ZFHX3: variants seen among roughly 807,000 people sequenced by gnomAD.
ZFHX3 encodes zinc finger homeobox 3.
Under a neutral mutation model 279.1 loss-of-function variants are expected in ZFHX3, and 42 were observed. The ratio of observed to expected loss-of-function variants is 0.15; its 90% CI spans 0.12 to 0.19. The LOEUF is 0.19. Ranked by LOEUF, ZFHX3 falls within the 10% of genes least tolerant of loss-of-function variation. ZFHX3 has a pLI of 1.00. For synonymous variants in ZFHX3, 2,293 were observed against 1,957.8 expected (o/e 1.17, Z -4.52); for missense variants, 4,981 against 4,754.0 (o/e 1.05, Z -1.40).
In ZFHX3 at chr16:73,434,663, G is replaced by A. The variant is rs545321392; in HGVS notation, c.-1291+21340C>T. ...CAGAAAACAACAATGTGTTTTTGGA[G>A]GTGATCAGATAACATCATTGAGGTT... is the stretch of plus-strand genomic sequence containing the variant. On this transcript the variant is annotated intron_variant, in intron 3 of 17. Transcript: ENST00000641206. Among the ~76,000 whole-genome samples the A allele has an allele frequency of 1.2e-4, 19 of 152,228 alleles. No individual in the cohort carries two copies. In the South Asian group the frequency reaches 3.9e-3, roughly 32 times the overall value.
chr16:73,850,718 G>A (rs1349396612), intron 1 of ZFHX3, among the ~76,000 whole-genome samples: 1 of 137,584 alleles, frequency 7.3e-6, no homozygotes, highest in Admixed American at 7.3e-5. Flanking sequence ...TGGACACCCA[G>A]GGCCGTGGCT....
At chr16:72,989,844 G>C (rs546665993) in intron 1 of ZFHX3, among the ~76,000 whole-genome samples, 1 of 152,314 alleles carries the variant, frequency 6.6e-6, no homozygotes, top group South Asian at 2.1e-4. Flanking sequence ...GTTATATGTG[G>C]GGAAGTGGTG....
At chr16:73,672,839 G>T (rs1486943705) in intron 2 of ZFHX3, among the ~76,000 whole-genome samples, 2 of 152,044 alleles carry the variant, frequency 1.3e-5, no homozygotes, top group East Asian at 3.9e-4. Flanking sequence ...CATGAAAACT[G>T]GGAGAACTAT....
chr16:73,352,366 A>C (rs1321228348), intron 3 of ZFHX3, among the ~76,000 whole-genome samples: 3 of 151,108 alleles, frequency 2.0e-5, no homozygotes, highest in Non-Finnish European at 4.4e-5. Context: ...CCTGGACTGC[A>C]TTTCTTCATC....
chr16:73,435,785 A>G (rs1342503406), intron 3 of ZFHX3, among the ~76,000 whole-genome samples: 3 of 152,162 alleles, frequency 2.0e-5, no homozygotes, highest in African/African-American at 7.2e-5. Context: ...ACAGGTACTC[A>G]CCAATGAGTC....
chr16:73,067,749 T>A (rs1965773199), intron 8 of ZFHX3, among the ~76,000 whole-genome samples: 1 of 152,116 alleles, frequency 6.6e-6, no homozygotes, highest in Non-Finnish European at 1.5e-5. Context: ...GCTAATACAC[T>A]GAATTTAGTG....
chr16:72,865,891 A>G (rs1164356046), intron 4 of ZFHX3, among the ~76,000 whole-genome samples: 1 of 152,168 alleles, frequency 6.6e-6, no homozygotes, highest in Non-Finnish European at 1.5e-5. Flanking sequence ...CCCTTGCCCT[A>G]CACAATGGAG....
intron 1 of ZFHX3, among the ~76,000 whole-genome samples, chr16:73,759,331 C>T (rs1452619073): frequency 6.6e-6 from 1 of 152,160 alleles, no homozygotes; most frequent in Non-Finnish European, 1.5e-5. Flanking sequence ...GGGAATAAAG[C>T]AAAGGAGGGA....
chr16:73,830,371 C>A (rs1223676541), intron 1 of ZFHX3, among the ~76,000 whole-genome samples: 1 of 151,738 alleles, frequency 6.6e-6, no homozygotes, highest in South Asian at 2.1e-4. Context: ...TCTTCTGCGT[C>A]GCTCACGCTG....
At chr16:73,744,272 G>A (rs1391586927) in intron 1 of ZFHX3, among the ~76,000 whole-genome samples, 1 of 152,222 alleles carries the variant, frequency 6.6e-6, no homozygotes, top group Non-Finnish European at 1.5e-5. Context: ...TGTCTCTGGT[G>A]TGCACAGATG....
intron 5 of ZFHX3, among the ~76,000 whole-genome samples, chr16:73,170,223 G>GTTT (rs1156523996): frequency 0.27 from 15,624 of 57,502 alleles, 4,498 homozygotes; most frequent in Admixed American, 0.41. Flanking sequence ...CCTTTCACTA[G>GTTT]TTTTTTTTTT....
At chr16:73,279,838 T>G (rs1334773310) in intron 4 of ZFHX3, among the ~76,000 whole-genome samples, 2 of 152,170 alleles carry the variant, frequency 1.3e-5, no homozygotes, top group Non-Finnish European at 2.9e-5. Flanking sequence ...AATAAGACAC[T>G]GCAACAAATT....
chr16:72,977,595 G>A (rs56224138), intron 1 of ZFHX3, among the ~76,000 whole-genome samples: 13 of 151,382 alleles, frequency 8.6e-5, no homozygotes, highest in Non-Finnish European at 1.8e-4. Context: ...TCAGTGGGGG[G>A]AAAAAAATCA....
Position 72,958,462 on chromosome 16 carries a change from C to T in ZFHX3, c.1684G>A (p.Asp562Asn). The change falls in exon 2 of 10, where the codon GAT becomes AAT. Residue 562 changes from aspartate (D) to asparagine (N), a missense_variant. Transcript: ENST00000268489. ...SNSASSFVVF[D>N]GANRRNRLSF... ...AAACGATTCCTCCTGTTCGCACCAT[C>T]AAAGACAACAAAGGAAGAAGCAGAA... 1 of 1,614,154 alleles carries T rather than the reference C, an allele frequency of 6.2e-7. No homozygotes were observed. The highest frequency in any genetic ancestry group is 8.5e-7 in the Non-Finnish European group (1 of 1,180,032).
chr16:73,418,778 T>C (rs1381901582), intron 3 of ZFHX3, among the ~76,000 whole-genome samples: 2 of 152,254 alleles, frequency 1.3e-5, no homozygotes, highest in Non-Finnish European at 2.9e-5. Flanking sequence ...GGAGGCACTG[T>C]TGCCAGAAAC....
At chr16:72,911,167 G>GT in intron 3 of ZFHX3, among the ~76,000 whole-genome samples, 1 of 152,378 alleles carries the variant, frequency 6.6e-6, no homozygotes, top group South Asian at 2.1e-4. Flanking sequence ...GACTTGGGCA[G>GT]TAAGGGAGTC....
intron 2 of ZFHX3, among the ~76,000 whole-genome samples, chr16:73,607,912 G>A (rs1440568598): frequency 6.6e-6 from 1 of 151,842 alleles, no homozygotes; most frequent in Non-Finnish European, 1.5e-5. Flanking sequence ...ACTTCAAAAA[G>A]TACAAAAAAT....
At chr16:73,506,878 G>GCCC (rs2019336528) in intron 2 of ZFHX3, among the ~76,000 whole-genome samples, 1 of 152,138 alleles carries the variant, frequency 6.6e-6, no homozygotes, top group Non-Finnish European at 1.5e-5. Flanking sequence ...CCTCTTCCTG[G>GCCC]CTGAACCAAA....
chr16:73,424,001 C>A (rs2017765837), intron 3 of ZFHX3, among the ~76,000 whole-genome samples: 1 of 152,086 alleles, frequency 6.6e-6, no homozygotes, highest in Non-Finnish European at 1.5e-5. Context: ...GGCCAGCTAA[C>A]ACATCAAGGA....
Sources: gnomAD v4.1 joint callset for allele counts (sites outside exome capture counted in the v4.1 genomes callset) on GRCh38, gnomAD v4.1.1 for gene constraint, MANE v1.5 for transcripts, NCBI Gene and HGNC (gene_info 2026-07-23, HGNC 2026-07-21) for gene names.